The following PTDSS1 variants were observed in gnomAD, a reference collection of about 807,000 sequenced individuals.
PTDSS1 encodes the protein PSS-1.
Under a neutral mutation model 70.5 loss-of-function variants are expected in PTDSS1, and 45 were observed. The ratio of observed to expected loss-of-function variants is 0.64; its 90% CI spans 0.50 to 0.82. The LOEUF (loss-of-function observed/expected upper bound fraction) is 0.82, where lower values mean the gene tolerates loss of function less well. PTDSS1 is among the 40% of genes least tolerant of loss of function. The pLI is 0.00. For missense variants in PTDSS1, 417 were observed against 586.1 expected (o/e 0.71, Z 2.98); for synonymous variants, 188 against 203.8 (o/e 0.92, Z 0.66).
chr8:96,298,745 T>C (rs1811010087), intron 5 of PTDSS1, among the ~76,000 whole-genome samples: 2 of 152,170 alleles, frequency 1.3e-5, no homozygotes, highest in South Asian at 4.1e-4. Context: ...CTTTCCTCAG[T>C]CTACCATATT....
chr8:96,298,678 C>T (rs1811009073), intron 5 of PTDSS1, among the ~76,000 whole-genome samples: 2 of 152,166 alleles, frequency 1.3e-5, no homozygotes, highest in African/African-American at 4.8e-5. Flanking sequence ...AACCTTCAGC[C>T]TCAGTCAGAA....
At chr8:96,332,928 C>T (rs953786355) in intron 12 of PTDSS1, among the ~76,000 whole-genome samples, 13 of 152,206 alleles carry the variant, frequency 8.5e-5, no homozygotes, top group South Asian at 6.2e-4. Flanking sequence ...GCCCAGTGCC[C>T]TCCATCGTGG....
chr8:96,290,831 A>C (rs979147347), intron 4 of PTDSS1, among the ~76,000 whole-genome samples: 1 of 148,010 alleles, frequency 6.8e-6, no homozygotes, highest in African/African-American at 2.5e-5. Context: ...CTTAGAATTA[A>C]TATTATAAAT....
At chr8:96,295,330 G>GT in intron 5 of PTDSS1, 74 bp downstream of exon 5, 1 of 1,429,528 alleles carries the variant, frequency 7.0e-7, no homozygotes, top group East Asian at 2.5e-5. Flanking sequence ...AAGTATGTCA[G>GT]TTAACAGTCA....
chr8:96,330,995 A>G (rs1472422041), intron 11 of PTDSS1, 31 bp from the exon 12 acceptor site: 6 of 1,583,344 alleles, frequency 3.8e-6, no homozygotes, highest in Non-Finnish European at 5.2e-6. Context: ...AGTTCCTAAA[A>G]TTCCTGCACT....
At chr8:96,274,745 A>C (rs746437006) in intron 2 of PTDSS1, among the ~76,000 whole-genome samples, 2 of 152,112 alleles carry the variant, frequency 1.3e-5, no homozygotes, top group Admixed American at 6.5e-5. Flanking sequence ...TAATAATAAT[A>C]ATCCAAGTTT....
chr8:96,265,561 TGG>T lies in PTDSS1; in HGVS notation c.179+3343_179+3344del, dbSNP rs1044579017. On this transcript the variant is annotated intron_variant, in intron 1 of 12. Transcript: ENST00000517309. ...AAGCTCATTTCCAGCCTGGACAACA[TGG>T]TGTAACCCTATCTCTACAAACAAAC... Among the ~76,000 whole-genome samples, 17 of 152,226 alleles carry T rather than the reference TGG, an allele frequency of 1.1e-4. 1 individual carries two copies. The highest frequency in any genetic ancestry group is 9.8e-4 in the Admixed American group (15 of 15,272).
At chr8:96,299,650 C>A in intron 5 of PTDSS1, 44 bp from the exon 6 acceptor site, 1 of 1,549,562 alleles carries the variant, frequency 6.5e-7, no homozygotes, top group Non-Finnish European at 8.7e-7. Flanking sequence ...CATGGTACCC[C>A]AGTTTTGTTT....
At chr8:96,322,564 T>G (rs569468368) in intron 10 of PTDSS1, among the ~76,000 whole-genome samples, 3 of 152,148 alleles carry the variant, frequency 2.0e-5, no homozygotes, top group Non-Finnish European at 4.4e-5. Context: ...GCACTCCTCA[T>G]GACCTAATCA....
Position 96,262,282 on chromosome 8 carries a change from T to TGGGTG in PTDSS1, c.179+65_179+66insGTGGG. ...GCTAGGGAAGAGGCGGGAGGGAGGG[T>TGGGTG]GGCGGGGAGGGGGGCCCGGCATGGC... On this transcript the variant is annotated intron_variant, in intron 1 of 12. Coordinates refer to ENST00000517309, the MANE Select transcript of PTDSS1 (RefSeq NM_014754.3). The surrounding 1 kb of genome is among the most constrained non-coding windows in gnomAD (Gnocchi z 4.4). 1 of 250,428 alleles carries TGGGTG rather than the reference T, an allele frequency of 4.0e-6. No homozygotes were observed. The highest frequency in any genetic ancestry group is 8.0e-6 in the Non-Finnish European group (1 of 125,594). The allele number at this position is 250,428 out of a possible 1,614,324, so 15.5% of individuals were successfully genotyped here.
At chr8:96,297,242 G>A (rs1027885058) in intron 5 of PTDSS1, among the ~76,000 whole-genome samples, 16 of 152,032 alleles carry the variant, frequency 1.1e-4, no homozygotes, top group Non-Finnish European at 2.2e-4. Flanking sequence ...GCAGTGGTGC[G>A]ATCTTGGCTC....
intron 2 of PTDSS1, among the ~76,000 whole-genome samples, chr8:96,280,685 CA>C (rs1467119506): frequency 6.6e-6 from 1 of 152,130 alleles, no homozygotes; most frequent in Non-Finnish European, 1.5e-5. Flanking sequence ...GTTGCTGCAC[CA>C]CTGCCCTAAG....
chr8:96,272,499 G>A (rs114020611), intron 1 of PTDSS1, among the ~76,000 whole-genome samples: 51 of 152,256 alleles, frequency 3.3e-4, no homozygotes, highest in African/African-American at 1.2e-3. Flanking sequence ...AAGTCAGGCT[G>A]ATTTAGGATG....
At chr8:96,264,939 TAAC>T (rs1363268568) in intron 1 of PTDSS1, among the ~76,000 whole-genome samples, 9 of 152,220 alleles carry the variant, frequency 5.9e-5, no homozygotes, top group African/African-American at 1.9e-4. Flanking sequence ...AACTAATTAA[TAAC>T]AAGTTTCACT....
intron 10 of PTDSS1, among the ~76,000 whole-genome samples, chr8:96,323,184 C>T (rs1022959494): frequency 2.6e-5 from 4 of 152,320 alleles, no homozygotes; most frequent in Middle Eastern, 3.4e-3. Context: ...GTGGCTGTGC[C>T]GGGTTCAGCC....
chr8:96,295,230 A>G lies in PTDSS1; in HGVS notation c.574A>G (p.Ile192Val). ...CCGTAGTTACGGTCTCTGCTGGACA[A>G]TCAGTATTACCTGGGAGCTGACTGA... ...LIRSYGLCWTISITWELTELF... is the reference protein window; with the variant it reads ...LIRSYGLCWTVSITWELTELF... The change falls in exon 5 of 13, where the codon ATC becomes GTC. Residue 192 changes from isoleucine to valine, a missense_variant. By Grantham distance (29) the Ile-to-Val change is conservative. Coordinates refer to ENST00000517309, the MANE Select transcript of PTDSS1 (RefSeq NM_014754.3). 2 of 1,613,676 alleles carry G rather than the reference A, an allele frequency of 1.2e-6. No individual in the cohort carries two copies. The highest frequency in any genetic ancestry group is 8.5e-7 in the Non-Finnish European group (1 of 1,179,792).
At chr8:96,290,600 C>A (rs147827509) in intron 4 of PTDSS1, among the ~76,000 whole-genome samples, 2 of 152,134 alleles carry the variant, frequency 1.3e-5, no homozygotes, top group East Asian at 3.9e-4. Context: ...ACAGCCTCAT[C>A]TTCTCCATCT....
intron 4 of PTDSS1, among the ~76,000 whole-genome samples, chr8:96,291,309 A>G (rs748005485): frequency 2.6e-5 from 4 of 152,214 alleles, no homozygotes; most frequent in Non-Finnish European, 5.9e-5. Context: ...ATGCAAGAGT[A>G]GAGAGAATCT....
chr8:96,266,671 A>G (rs1273251976), intron 1 of PTDSS1, among the ~76,000 whole-genome samples: 1 of 152,230 alleles, frequency 6.6e-6, no homozygotes, highest in Non-Finnish European at 1.5e-5. Flanking sequence ...TGACACTAGC[A>G]ATGTTAAATG....
Sources: gnomAD v4.1 joint callset for allele counts (sites outside exome capture counted in the v4.1 genomes callset) on GRCh38, gnomAD v4.1.1 for gene constraint, Gnocchi (gnomAD v3.1) non-coding constraint, MANE v1.5 for transcripts, NCBI Gene and HGNC (gene_info 2026-07-23, HGNC 2026-07-21) for gene names.